Variants in KCND3 observed in about 807,000 individuals in gnomAD.
KCND3 encodes the protein potassium voltage-gated channel subfamily D member 3, also known as A-type voltage-gated potassium channel KCND3.
Under a neutral mutation model 51.1 loss-of-function variants are expected in KCND3, and 9 were observed. The ratio of observed to expected loss-of-function variants is 0.18; its 90% CI spans 0.11 to 0.31. The LOEUF is 0.31. Ranked by LOEUF, KCND3 falls within the 10% of genes least tolerant of loss-of-function variation. KCND3 has a pLI of 1.00. For missense variants in KCND3, 526 were observed against 903.8 expected, an observed-to-expected ratio of 0.58 and a Z score of 5.36; for synonymous variants, 349 against 368.0, an observed-to-expected ratio of 0.95 and a Z score of 0.59.
intron 2 of KCND3, among the ~76,000 whole-genome samples, chr1:111,832,520 A>G (rs1335599548): frequency 1.3e-5 from 2 of 151,980 alleles, no homozygotes; most frequent in Non-Finnish European, 2.9e-5. Context: ...TTTTTTTCTG[A>G]AAACATCTCT....
At chr1:111,968,055 A>T (rs945157802) in intron 2 of KCND3, among the ~76,000 whole-genome samples, 1 of 152,180 alleles carries the variant, frequency 6.6e-6, no homozygotes, top group Non-Finnish European at 1.5e-5. Context: ...CTGACCTTAC[A>T]TGGAAATATT....
chr1:111,862,464 G>A (rs1668377950), intron 2 of KCND3, among the ~76,000 whole-genome samples: 2 of 152,360 alleles, frequency 1.3e-5, no homozygotes, highest in South Asian at 2.1e-4. Context: ...ATGCAATGGG[G>A]CCACTGGAGT....
intron 2 of KCND3, among the ~76,000 whole-genome samples, chr1:111,836,518 A>G (rs1667071757): frequency 6.6e-6 from 1 of 152,110 alleles, no homozygotes; most frequent in Admixed American, 6.5e-5. Flanking sequence ...TTGCTCTCTT[A>G]GTTGCTTCCC....
intron 2 of KCND3, among the ~76,000 whole-genome samples, chr1:111,945,043 A>G (rs1672712580): frequency 6.6e-6 from 1 of 152,226 alleles, no homozygotes; most frequent in South Asian, 2.1e-4. Context: ...TATTTGAGGA[A>G]GGAAGGAGGT....
intron 2 of KCND3, among the ~76,000 whole-genome samples, chr1:111,919,216 C>G (rs1342222874): frequency 6.7e-6 from 1 of 149,134 alleles, no homozygotes; most frequent in Admixed American, 6.7e-5. Context: ...ATTGGGGAGA[C>G]AGACAGTAAA....
At position 111,842,033 on chromosome 1, in the gene KCND3, A is replaced by AT. The variant is rs1364294073; in HGVS notation, c.1107-54928dup. On this transcript the variant is annotated intron_variant, in intron 2 of 7. Transcript: ENST00000302127. The stretch of plus-strand genomic sequence containing the variant: ...CCAGGGCCCATTGGGACTTTGTAGC[A>AT]TAAAAACATGTCCTGGAGAGAGGGA... Among the ~76,000 whole-genome samples, 12 of 152,192 alleles carry AT rather than the reference A, an allele frequency of 7.9e-5. 1 individual carries two copies. The highest frequency in any genetic ancestry group is 4.8e-5 in the African/African-American group (2 of 41,452).
At chr1:111,954,437 T>C (rs900670939) in intron 2 of KCND3, among the ~76,000 whole-genome samples, 1 of 152,200 alleles carries the variant, frequency 6.6e-6, no homozygotes, top group Non-Finnish European at 1.5e-5. Flanking sequence ...CTGAGACCAT[T>C]TGTGTCATCT....
In KCND3 at chr1:111,982,097, G is replaced by T; in HGVS notation, c.630C>A (p.Val210=). 1 of 1,613,802 alleles carries T rather than the reference G, an allele frequency of 6.2e-7. No homozygotes were observed. The highest frequency in any genetic ancestry group is 8.5e-7 in the Non-Finnish European group (1 of 1,179,996). Residue 210 remains valine, a synonymous_variant, in exon 2 of 8, where the codon GTC becomes GTA. Transcript: ENST00000302127. The surrounding 1 kb of genome is among the most constrained non-coding windows in gnomAD (Gnocchi z 8.5). ...CGCACGGCAGCTCCTTGCTGCCCGG[G>T]ACCGTGCCGCACGGCACCGTCTCCA... ...NVVETVPCGT[V]PGSKELPCGE...
chr1:111,981,508 T>C lies in KCND3; in HGVS notation c.1106+113A>G, dbSNP rs747250080. 3.7e-5 allele frequency: 55 copies of C among 1,487,128 alleles called. No individual in the cohort carries two copies. The highest frequency in any genetic ancestry group is 8.3e-5 in the African/African-American group (6 of 72,426). 92.1% of individuals were successfully genotyped at this position (1,487,128 alleles called of 1,614,324 possible). On this transcript the variant is annotated intron_variant, in intron 2 of 7. Coordinates refer to ENST00000302127, the MANE Select transcript of KCND3 (RefSeq NM_001378969.1). This position sits in a 1 kb window ranked among gnomAD's most constrained non-coding sequence, Gnocchi z 6.2. Reference sequence around the variant, plus strand: ...GAGCAACTTCCCCTGCCCCCAACACTTGGGTAAGGGACTCCCTCCTCCTCT... The same window carrying C: ...GAGCAACTTCCCCTGCCCCCAACACCTGGGTAAGGGACTCCCTCCTCCTCT...
In KCND3 at chr1:111,810,655, C is replaced by T. The variant is rs78522765; in HGVS notation, c.1107-23549G>A. Among the ~76,000 whole-genome samples the T allele has an allele frequency of 9.5e-3, 1,451 of 152,314 alleles. 22 individuals are homozygous for T. Among genetic ancestry groups the T allele is most frequent in the African/African-American group, 0.031 (1,303 of 41,570 alleles). On this transcript the variant is annotated intron_variant, in intron 2 of 7. Coordinates refer to ENST00000302127, the MANE Select transcript of KCND3 (RefSeq NM_001378969.1). ...CAGCGAATCCAGTCTTTCTTGTAGA[C>T]GTCTCTGTGAAGGGCGAGAACGGAG...
intron 2 of KCND3, among the ~76,000 whole-genome samples, chr1:111,836,837 C>T (rs1398736090): frequency 6.6e-6 from 1 of 152,212 alleles, no homozygotes; most frequent in Non-Finnish European, 1.5e-5. Flanking sequence ...CCAGTCTGGC[C>T]TTGACTTCTC....
At chr1:111,906,792 A>G (rs926849985) in intron 2 of KCND3, among the ~76,000 whole-genome samples, 27 of 152,194 alleles carry the variant, frequency 1.8e-4, no homozygotes, top group African/African-American at 6.5e-4. Context: ...CAGTCTGACC[A>G]CAGCCATCAA....
intron 2 of KCND3, among the ~76,000 whole-genome samples, chr1:111,850,578 A>C (rs1376109991): frequency 6.6e-6 from 1 of 152,200 alleles, no homozygotes; most frequent in Non-Finnish European, 1.5e-5. Flanking sequence ...GCCTGGGCGC[A>C]CTGAACTGGA....
At chr1:111,796,511 G>C (rs1665064244) in intron 2 of KCND3, among the ~76,000 whole-genome samples, 1 of 152,156 alleles carries the variant, frequency 6.6e-6, no homozygotes, top group Admixed American at 6.5e-5. Context: ...ATTTTCCTTA[G>C]CAAACTAAGT....
At chr1:111,965,062 C>A (rs1673890968) in intron 2 of KCND3, among the ~76,000 whole-genome samples, 1 of 145,220 alleles carries the variant, frequency 6.9e-6, no homozygotes, top group Non-Finnish European at 1.5e-5. Context: ...CTTTGCTGCA[C>A]CCCCCCAAAC....
intron 2 of KCND3, among the ~76,000 whole-genome samples, chr1:111,830,419 TCC>T (rs1666783091): frequency 6.6e-6 from 1 of 152,176 alleles, no homozygotes; most frequent in South Asian, 2.1e-4. Flanking sequence ...CTCCTTGCAA[TCC>T]CTGGAGCATA....
chr1:111,821,204 C>T (rs569953115), intron 2 of KCND3, among the ~76,000 whole-genome samples: 3 of 152,136 alleles, frequency 2.0e-5, no homozygotes, highest in African/African-American at 4.8e-5. Context: ...CAGATTTTCA[C>T]GCCCCATCTG....
intron 2 of KCND3, among the ~76,000 whole-genome samples, chr1:111,798,448 T>C (rs1443093561): frequency 6.6e-6 from 1 of 152,148 alleles, no homozygotes; most frequent in Non-Finnish European, 1.5e-5. Flanking sequence ...TGCCCTGACA[T>C]ACCTCCCCAA....
At chr1:111,931,693 G>A (rs578173187) in intron 2 of KCND3, among the ~76,000 whole-genome samples, 6 of 152,258 alleles carry the variant, frequency 3.9e-5, no homozygotes, top group South Asian at 2.1e-4. Flanking sequence ...GAAGGCTTAG[G>A]GCAGCATCGG....
Sources: allele counts gnomAD v4.1 joint callset (sites outside exome capture counted in the v4.1 genomes callset), GRCh38; gene constraint gnomAD v4.1.1; non-coding constraint Gnocchi (gnomAD v3.1); transcripts MANE v1.5; gene names NCBI Gene and HGNC (gene_info 2026-07-23, HGNC 2026-07-21).